MTCL2: variants seen among roughly 807,000 people sequenced by gnomAD.
The protein encoded by MTCL2 is microtubule cross-linking factor 2.
At chr20:36,784,444 G>A in the MTCL2 span, 3 of 985,522 alleles carry the variant, frequency 3.0e-6, no homozygotes, top group Non-Finnish European at 3.6e-6. Context: ...GGTGGGAGGT[G>A]GGAGTGCAGG....
At chr20:36,829,022 G>A in the MTCL2 span, 18 of 1,517,030 alleles carry the variant, frequency 1.2e-5, no homozygotes, top group Non-Finnish European at 1.5e-5. Context: ...ACCTGCCCTA[G>A]GCTGGCCCTG....
chr20:36,798,706 C>T, the MTCL2 span, among the ~76,000 whole-genome samples: 1 of 152,150 alleles, frequency 6.6e-6, no homozygotes, highest in Non-Finnish European at 1.5e-5. Context: ...GTCATGGGGT[C>T]AGGCCGAGGG....
At chr20:36,826,002 TC>T in the MTCL2 span, among the ~76,000 whole-genome samples, 1 of 2,686 alleles carries the variant, frequency 3.7e-4, no homozygotes, top group South Asian at 0.5. Flanking sequence ...CCAAATACTT[TC>T]TTTTCTTTTT....
At chr20:36,834,162 CA>C in the MTCL2 span, among the ~76,000 whole-genome samples, 39,507 of 100,488 alleles carry the variant, frequency 0.39, 5,851 homozygotes, top group Middle Eastern at 0.5. Context: ...GACTTCATCT[CA>C]AAAAAAAAAA....
the MTCL2 span, among the ~76,000 whole-genome samples, chr20:36,855,938 C>T: frequency 6.6e-6 from 1 of 152,166 alleles, no homozygotes. Context: ...CAGGCCTCTC[C>T]GGCAGGGCAG....
chr20:36,792,857 T>C, the MTCL2 span, among the ~76,000 whole-genome samples: 7,859 of 137,476 alleles, frequency 0.057, 256 homozygotes, highest in Non-Finnish European at 0.076. Flanking sequence ...GATAGATAGA[T>C]AGACAGACAG....
At chr20:36,849,817 C>T in the MTCL2 span, among the ~76,000 whole-genome samples, 3 of 152,140 alleles carry the variant, frequency 2.0e-5, no homozygotes, top group Non-Finnish European at 4.4e-5. Flanking sequence ...ATGGCTATGA[C>T]GGAATTGGCC....
At chr20:36,858,203 T>C in the MTCL2 span, among the ~76,000 whole-genome samples, 9 of 152,088 alleles carry the variant, frequency 5.9e-5, no homozygotes, top group African/African-American at 2.2e-4. Context: ...CATTTACTGA[T>C]CTGTAAAATG....
At chr20:36,836,073 C>T in the MTCL2 span, among the ~76,000 whole-genome samples, 1 of 149,724 alleles carries the variant, frequency 6.7e-6, no homozygotes, top group Non-Finnish European at 1.5e-5. Context: ...CTGCCTTCCC[C>T]CACCACCCCC....
At chr20:36,824,105 G>C in the MTCL2 span, among the ~76,000 whole-genome samples, 4 of 152,166 alleles carry the variant, frequency 2.6e-5, no homozygotes, top group East Asian at 7.7e-4. Context: ...AGTCAGTGCG[G>C]GTTTGAGAGA....
the MTCL2 span, among the ~76,000 whole-genome samples, chr20:36,857,111 G>T: frequency 6.6e-6 from 1 of 152,288 alleles, no homozygotes; most frequent in East Asian, 1.9e-4. Flanking sequence ...GGCAAGGGTA[G>T]ATGTGCAGAC....
the MTCL2 span, among the ~76,000 whole-genome samples, chr20:36,800,290 T>A: frequency 6.6e-6 from 1 of 152,192 alleles, no homozygotes; most frequent in Non-Finnish European, 1.5e-5. Context: ...TTAGAAACAT[T>A]TTGTTGTTAA....
chr20:36,805,721 CTGGGA>C, the MTCL2 span: 1 of 749,294 alleles, frequency 1.3e-6, no homozygotes, highest in South Asian at 1.9e-5. Flanking sequence ...TGTTACTGCC[CTGGGA>C]TGACCAGGCA....
chr20:36,852,309 G>C, the MTCL2 span, among the ~76,000 whole-genome samples: 2 of 142,276 alleles, frequency 1.4e-5, no homozygotes, highest in South Asian at 5.7e-4. Context: ...CTCCTGCCCG[G>C]GCCCGGGCCA....
chr20:36,789,122 G>A, the MTCL2 span, among the ~76,000 whole-genome samples: 3 of 152,040 alleles, frequency 2.0e-5, no homozygotes, highest in Non-Finnish European at 4.4e-5. Flanking sequence ...GGCTACCTTC[G>A]TAAAAGAAGA....
chr20:36,856,898 T>C, the MTCL2 span, among the ~76,000 whole-genome samples: 2 of 152,182 alleles, frequency 1.3e-5, no homozygotes, highest in African/African-American at 2.4e-5. Context: ...GTTCCCTGGT[T>C]TGAGAGCCTC....
the MTCL2 span, among the ~76,000 whole-genome samples, chr20:36,832,667 T>C: frequency 6.6e-6 from 1 of 151,992 alleles, no homozygotes; most frequent in Non-Finnish European, 1.5e-5. Context: ...AACCCCGTCT[T>C]TGCTGTCTCT....
the MTCL2 span, among the ~76,000 whole-genome samples, chr20:36,822,586 C>T: frequency 6.6e-6 from 1 of 152,194 alleles, no homozygotes; most frequent in Admixed American, 6.5e-5. Flanking sequence ...CCTCTGCACT[C>T]AAACACCTTC....
chr20:36,784,158 G>A, the MTCL2 span: 1 of 985,758 alleles, frequency 1.0e-6, no homozygotes, highest in Non-Finnish European at 1.2e-6. Context: ...GGTGGCAGAA[G>A]GCCTCTGGTG....
Sources: allele counts gnomAD v4.1 joint callset (sites outside exome capture counted in the v4.1 genomes callset), GRCh38; gene constraint gnomAD v4.1.1; transcripts MANE v1.5; gene names NCBI Gene and HGNC (gene_info 2026-07-23, HGNC 2026-07-21).